The following GPALPP1 variants were observed in gnomAD, a reference collection of about 807,000 sequenced individuals.
GPALPP1 encodes the protein GPALPP motifs-containing protein 1.
A neutral mutation model predicts 38.9 loss-of-function variants in GPALPP1; 30 were observed. The ratio of observed to expected loss-of-function variants is 0.77; its 90% CI spans 0.58 to 1.05. The LOEUF (loss-of-function observed/expected upper bound fraction) is 1.05. Ranked by LOEUF, GPALPP1 falls within the 50% of genes least tolerant of loss-of-function variation. The probability of loss-of-function intolerance (pLI) is 0.00; values close to 1 mark genes in which losing one functional copy is unlikely to be tolerated. For synonymous variants in GPALPP1, 120 were observed against 139.2 expected (o/e 0.86, Z 0.97); for missense variants, 384 against 408.8 (o/e 0.94, Z 0.52).
downstream of GPALPP1, chr13:45,032,132 G>A (rs1455899211): frequency 6.6e-6 from 1 of 152,154 alleles, no homozygotes; most frequent in Non-Finnish European, 1.5e-5. Context: ...GGGTTATTGG[G>A]TTTAGCAAGT....
intron 1 of GPALPP1, among the ~76,000 whole-genome samples, chr13:45,000,008 C>A (rs150976666): frequency 1.3e-5 from 2 of 152,048 alleles, no homozygotes; most frequent in Non-Finnish European, 2.9e-5. Flanking sequence ...ACTATTTTTC[C>A]GTGATTATTT....
rs80101692 is a variant in GPALPP1 at position 45,018,097 on chromosome 13, C to A, written c.706-2233C>A. Among the ~76,000 whole-genome samples, 60 of 152,158 alleles carry A rather than the reference C, an allele frequency of 3.9e-4. 1 individual carries two copies. In the East Asian group the frequency reaches 8.7e-3, roughly 22 times the overall value. ...CTCACATTAATTTAGCCAATATGGCCTAAAAGAAGATTGCTGTTGTCTGGG... is the reference window on the plus strand; with the variant it reads ...CTCACATTAATTTAGCCAATATGGCATAAAAGAAGATTGCTGTTGTCTGGG... On this transcript the variant is annotated intron_variant, in intron 6 of 7. Transcript: ENST00000379151.
At chr13:44,995,481 TA>T (rs993881287) in intron 1 of GPALPP1, among the ~76,000 whole-genome samples, 4 of 152,208 alleles carry the variant, frequency 2.6e-5, no homozygotes, top group African/African-American at 7.2e-5. Flanking sequence ...TCAGAATCTT[TA>T]AAAAAGGAGA....
At chr13:45,018,815 T>G (rs1431997803) in intron 6 of GPALPP1, among the ~76,000 whole-genome samples, 1 of 151,046 alleles carries the variant, frequency 6.6e-6, no homozygotes, top group South Asian at 2.1e-4. Context: ...TGTGTTAGAC[T>G]AGGCACTTCA....
downstream of GPALPP1, chr13:45,030,874 A>G (rs1876162508): frequency 6.6e-6 from 1 of 152,150 alleles, no homozygotes; most frequent in Admixed American, 6.5e-5. Context: ...AAGATGAATT[A>G]GCTGGGCGCA....
chr13:45,013,170 G>A (rs540465229), intron 4 of GPALPP1, among the ~76,000 whole-genome samples: 51 of 152,234 alleles, frequency 3.4e-4, no homozygotes, highest in Admixed American at 2.1e-3. Flanking sequence ...CCTTCGCCTC[G>A]TGATATCATC....
chr13:45,016,646 T>G (rs1055382884), intron 6 of GPALPP1, among the ~76,000 whole-genome samples: 1 of 152,044 alleles, frequency 6.6e-6, no homozygotes, highest in Non-Finnish European at 1.5e-5. Context: ...TTTTGTTTGG[T>G]TGTTTGTTTT....
At chr13:45,007,940 C>T (rs1874210968) in intron 3 of GPALPP1, among the ~76,000 whole-genome samples, 1 of 151,082 alleles carries the variant, frequency 6.6e-6, no homozygotes, top group Admixed American at 6.6e-5. Flanking sequence ...CTTTTAAGAC[C>T]CAGTGTTAAG....
chr13:45,027,728 T>G, intron 7 of GPALPP1, 57 bp from the exon 8 acceptor site: 1 of 807,584 alleles, frequency 1.2e-6, no homozygotes, highest in South Asian at 1.6e-5. Flanking sequence ...GGTCATATTC[T>G]GTCAATAATC....
intron 3 of GPALPP1, among the ~76,000 whole-genome samples, chr13:45,006,971 A>T (rs192048024): frequency 9.9e-4 from 151 of 152,078 alleles, no homozygotes; most frequent in Non-Finnish European, 1.7e-3. Context: ...ATAATACTGT[A>T]TACCAATATG....
chr13:45,015,194 AT>A (rs926898207), intron 5 of GPALPP1, 111 bp downstream of exon 5: 1 of 702,624 alleles, frequency 1.4e-6, no homozygotes, highest in Non-Finnish European at 2.1e-6. Context: ...TATGCATAAC[AT>A]TTTTTTAAAT....
intron 4 of GPALPP1, among the ~76,000 whole-genome samples, chr13:45,011,947 G>C (rs1206763822): frequency 6.6e-6 from 1 of 152,144 alleles, no homozygotes; most frequent in Non-Finnish European, 1.5e-5. Flanking sequence ...GGAGTGCTAG[G>C]GGAAGAAATA....
At chr13:45,015,741 TA>T (rs1874820897) in intron 6 of GPALPP1, 145 bp downstream of exon 6, 2 of 504,524 alleles carry the variant, frequency 4.0e-6, no homozygotes, top group Admixed American at 8.2e-5. Flanking sequence ...GGAGGAAGAG[TA>T]TGAGGAAGGA....
At chr13:44,995,203 C>CACACACACACACAA (rs10658655) in intron 1 of GPALPP1, among the ~76,000 whole-genome samples, 1 of 34,954 alleles carries the variant, frequency 2.9e-5, no homozygotes, top group Non-Finnish European at 1.2e-4. Flanking sequence ...CACACACACA[C>CACACACACACACAA]CCCTTCTCTT....
rs1235592281 is a variant in GPALPP1 at position 45,024,243 on chromosome 13, CTTGGTATCCCCTAAAACTCT to C, written c.805-3541_805-3522del. 1.8e-4 allele frequency among the ~76,000 whole-genome samples: 17 copies of C among 92,360 alleles called. 1 individual carries two copies. The highest frequency in any genetic ancestry group is 7.9e-4 in the African/African-American group (16 of 20,376). 60.6% of individuals were successfully genotyped at this position (92,360 alleles called of 152,430 possible). ...GAGTCTCAATCTTCAAGTGTTTTTGCTTGGTATCCCCTAAAACTCTGTGTGTGTGTGTGTGTGTGTGTGTG... is the reference window on the plus strand; with the variant it reads ...GAGTCTCAATCTTCAAGTGTTTTTGCGTGTGTGTGTGTGTGTGTGTGTGTG... On this transcript the variant is annotated intron_variant, in intron 7 of 7. Coordinates refer to ENST00000379151, the MANE Select transcript of GPALPP1 (RefSeq NM_018559.5).
chr13:45,017,410 A>G, intron 6 of GPALPP1, among the ~76,000 whole-genome samples: 1 of 152,192 alleles, frequency 6.6e-6, no homozygotes. Context: ...GCAGCAAAGG[A>G]TGTGGATCCA....
rs377579851 is a variant in GPALPP1 at position 45,014,976 on chromosome 13, G to A, written c.433G>A (p.Asp145Asn). Residue 145 changes from aspartate to asparagine, a missense_variant, in exon 5 of 8, where the codon GAT (aspartate) becomes AAT (asparagine). Physicochemically the swap from Asp to Asn is conservative, Grantham distance 23. Transcript: ENST00000379151. ...QQETDSSEDE[D>N]IIGPMPAKGP... ...GGAAACAGACAGCAGTGAAGATGAG[G>A]ATATTATTGGACCAATGCCTGCAAA... 1.2e-6 allele frequency: 2 copies of A among 1,604,712 alleles called. No homozygotes were observed. Among genetic ancestry groups the A allele is most frequent in the Non-Finnish European group, 1.7e-6 (2 of 1,174,350 alleles).
chr13:45,017,359 T>C (rs542949170), intron 6 of GPALPP1, among the ~76,000 whole-genome samples: 1 of 152,086 alleles, frequency 6.6e-6, no homozygotes, highest in Non-Finnish European at 1.5e-5. Context: ...AGAGTTATAA[T>C]AGGAAGGTGA....
rs532020909 is a variant in GPALPP1, at chr13:45,002,292, C to A, written c.89-2013C>A. The stretch of plus-strand genomic sequence containing the variant: ...AGTTCAACATCAGTATGGTGACCTC[C>A]GGGAGTGAAGGACCACCAGATTGCC... On this transcript the variant is annotated intron_variant, in intron 1 of 7. Coordinates refer to ENST00000379151, the MANE Select transcript of GPALPP1 (RefSeq NM_018559.5). The A allele has an allele frequency of 5.9e-5, 9 of 152,302 alleles. No individual in the cohort carries two copies. In the East Asian group the frequency reaches 1.5e-3, roughly 26 times the overall value. The allele number at this position is 152,302 out of a possible 1,614,324, so 9.4% of individuals were successfully genotyped here. A position where few individuals can be genotyped will look rare whatever the true frequency, so the allele number is the denominator to read the frequency against.
Sources: gnomAD v4.1 joint callset for allele counts (sites outside exome capture counted in the v4.1 genomes callset) on GRCh38, gnomAD v4.1.1 for gene constraint, MANE v1.5 for transcripts, NCBI Gene and HGNC (gene_info 2026-07-23, HGNC 2026-07-21) for gene names.